SANBR: variants seen among roughly 807,000 people sequenced by gnomAD.
SANBR encodes SANT and BTB domain regulator of class switch recombination.
Under a neutral mutation model 101.8 loss-of-function variants are expected in SANBR, and 77 were observed. The ratio of observed to expected loss-of-function variants is 0.76; its 90% CI spans 0.63 to 0.91. The LOEUF (loss-of-function observed/expected upper bound fraction) is 0.91. Among genes scored for constraint, SANBR ranks in the 40% least tolerant of loss-of-function variants. The pLI, the probability that SANBR is intolerant of heterozygous loss-of-function variation, is 0.00. For synonymous variants in SANBR, 279 were observed against 274.7 expected, an observed-to-expected ratio of 1.02 and a Z score of -0.15; for missense variants, 875 against 853.0, an observed-to-expected ratio of 1.03 and a Z score of -0.32.
chr2:61,087,553 C>G (rs1244262051), intron 8 of SANBR, among the ~76,000 whole-genome samples: 3 of 151,694 alleles, frequency 2.0e-5, no homozygotes, highest in Admixed American at 2.0e-4. Context: ...GACCCTGTCT[C>G]TAAAAAAATA....
intron 12 of SANBR, among the ~76,000 whole-genome samples, chr2:61,102,069 G>A (rs756921942): frequency 2.0e-5 from 3 of 150,848 alleles, no homozygotes; most frequent in East Asian, 2.0e-4. Context: ...ATCTTTTGTC[G>A]ATATATATGT....
intron 1 of SANBR, chr2:61,066,324 C>G (rs1275248980): frequency 6.5e-6 from 1 of 153,054 alleles, no homozygotes; most frequent in Admixed American, 6.5e-5. Flanking sequence ...GCCTCTGCCC[C>G]GCCTCGCTCC....
chr2:61,109,642 ATT>A (rs1182888929), intron 16 of SANBR, among the ~76,000 whole-genome samples: 1 of 116,582 alleles, frequency 8.6e-6, no homozygotes, highest in Admixed American at 8.7e-5. Context: ...TCAATGTATG[ATT>A]TTTTTTTTTA....
intron 16 of SANBR, among the ~76,000 whole-genome samples, chr2:61,113,959 T>C (rs72883016): frequency 0.025 from 3,884 of 152,344 alleles, 169 homozygotes; most frequent in African/African-American, 0.088. Context: ...AGGTGTTGCA[T>C]TTTATCACAT....
At chr2:61,081,079 C>CT (rs1223331911) in intron 6 of SANBR, among the ~76,000 whole-genome samples, 1 of 152,022 alleles carries the variant, frequency 6.6e-6, no homozygotes, top group African/African-American at 2.4e-5. Context: ...TTTAAATTAG[C>CT]TTTTCTAATA....
rs534786992 is a variant in SANBR, at chr2:61,107,928, A to G, written c.1612-389A>G. 8.5e-5 allele frequency among the ~76,000 whole-genome samples: 13 copies of G among 152,276 alleles called. No individual in the cohort carries two copies. The East Asian group carries it at 2.5e-3, about 29-fold the overall frequency. ...ACACATTAACATTTATTTATTAATT[A>G]TATGTCAAACAACAAACTAGATTTA... On this transcript the variant is annotated intron_variant, in intron 14 of 21. Transcript: ENST00000402291.
intron 10 of SANBR, chr2:61,089,690 A>C (rs1474260594): frequency 6.6e-6 from 1 of 152,214 alleles, no homozygotes; most frequent in Non-Finnish European, 1.5e-5. Context: ...AAATAAAATA[A>C]ATAAATACAT....
chr2:61,118,395 C>T (rs543994711), intron 20 of SANBR, among the ~76,000 whole-genome samples: 29 of 151,936 alleles, frequency 1.9e-4, no homozygotes, highest in African/African-American at 6.3e-4. Flanking sequence ...CATGCACCAC[C>T]ATGCGCAGCT....
rs59171411 is a variant in SANBR at position 61,130,929 on chromosome 2, C to CAAAAAAAAA, written c.2029-3187_2029-3179dup. Among the ~76,000 whole-genome samples the CAAAAAAAAA allele has an allele frequency of 6.0e-3, 79 of 13,230 alleles. 34 individuals are homozygous for CAAAAAAAAA. Among genetic ancestry groups the CAAAAAAAAA allele is most frequent in the Non-Finnish European group, 8.5e-3 (60 of 7,038 alleles). The allele number at this position is 13,230 out of a possible 152,430, so 8.7% of individuals were successfully genotyped here. ...TGGGTGACAGAGCGAGACTCTGTCT[C>CAAAAAAAAA]AAAAAAAAAAAAAAAAAAAAAAAAA... On this transcript the variant is annotated intron_variant, in intron 20 of 21. Transcript: ENST00000295031.
At chr2:61,068,133 C>T (rs1382212966) in intron 1 of SANBR, among the ~76,000 whole-genome samples, 2 of 152,094 alleles carry the variant, frequency 1.3e-5, no homozygotes, top group African/African-American at 4.8e-5. Flanking sequence ...CATAATCCAG[C>T]GAGTTAAAGA....
chr2:61,074,882 T>C (rs1455474819), intron 5 of SANBR: 1 of 152,198 alleles, frequency 6.6e-6, no homozygotes, highest in Non-Finnish European at 1.5e-5. Context: ...GGAAGAGCAA[T>C]TTTGTGAAAA....
chr2:61,093,685 T>G (rs1469746722), intron 11 of SANBR, among the ~76,000 whole-genome samples: 1 of 152,236 alleles, frequency 6.6e-6, no homozygotes, highest in Non-Finnish European at 1.5e-5. Flanking sequence ...TTGCCTTCAC[T>G]TGTTTCCAGC....
intron 21 of SANBR, among the ~76,000 whole-genome samples, chr2:61,137,177 C>G (rs1182572361): frequency 2.0e-5 from 3 of 151,830 alleles, no homozygotes; most frequent in Non-Finnish European, 4.4e-5. Flanking sequence ...ACTCAGGAGG[C>G]TGAGGTGGGA....
At chr2:61,070,597 C>A in intron 3 of SANBR, 97 bp downstream of exon 3, 1 of 1,146,512 alleles carries the variant, frequency 8.7e-7, no homozygotes, top group Non-Finnish European at 1.2e-6. Flanking sequence ...TTGAGTTTTA[C>A]ATATTCAAAT....
intron 16 of SANBR, among the ~76,000 whole-genome samples, chr2:61,113,909 T>A (rs1683951816): frequency 6.6e-6 from 1 of 152,206 alleles, no homozygotes; most frequent in Admixed American, 6.5e-5. Context: ...GTTGAGAAAG[T>A]TCCTTTCTGT....
chr2:61,128,823 A>G (rs1446511870), downstream of SANBR, among the ~76,000 whole-genome samples: 1 of 151,992 alleles, frequency 6.6e-6, no homozygotes, highest in African/African-American at 2.4e-5. Flanking sequence ...ATAGCCAGAC[A>G]TAGTGGCACA....
intron 13 of SANBR, 52 bp downstream of exon 13, chr2:61,104,050 C>T: frequency 6.5e-7 from 1 of 1,535,622 alleles, no homozygotes; most frequent in Non-Finnish European, 8.9e-7. Flanking sequence ...CAGCAGTTCC[C>T]ATTTCAGAAT....
rs866178469 is a variant in SANBR, at chr2:61,071,703, CT to C, written c.251del (p.Leu84Ter). The stretch of plus-strand genomic sequence containing the variant: ...GCTGCTGGAGAGAGTCCTGTTGAAA[CT>C]TTAGCCACATATATCAAATCCTCAC... Reference protein sequence around the residue: ...LMAAGESPVETLATYIKSSLL... With the variant: ...LMAAGESPVEXLATYIKSSLL... On this transcript the variant is annotated frameshift_variant, in exon 4 of 22. Coordinates refer to ENST00000402291, the MANE Select transcript of SANBR (RefSeq NM_001129993.3). LOFTEE classifies it high-confidence loss of function. 3 of 1,607,544 alleles carry C rather than the reference CT, an allele frequency of 1.9e-6. No homozygotes were observed. Among genetic ancestry groups the C allele is most frequent in the African/African-American group, 1.3e-5 (1 of 74,532 alleles).
intron 6 of SANBR, among the ~76,000 whole-genome samples, chr2:61,077,891 T>G (rs1050387913): frequency 6.6e-6 from 1 of 152,226 alleles, no homozygotes; most frequent in Non-Finnish European, 1.5e-5. Context: ...GCAGACATTT[T>G]CTTGAAAATG....
Sources: gnomAD v4.1 joint callset for allele counts (sites outside exome capture counted in the v4.1 genomes callset) on GRCh38, gnomAD v4.1.1 for gene constraint, MANE v1.5 for transcripts, NCBI Gene and HGNC (gene_info 2026-07-23, HGNC 2026-07-21) for gene names.